Variants in TFEC observed in about 807,000 individuals in gnomAD.
The protein encoded by TFEC is class E basic helix-loop-helix protein 34.
TFEC carries 31 observed loss-of-function variants against 41.6 expected under a neutral mutation model. The observed-to-expected ratio is 0.74, with a 90% CI of 0.56 to 1.01. TFEC has a LOEUF of 1.01. Ranked by LOEUF, TFEC falls within the 50% of genes least tolerant of loss-of-function variation. The pLI is 0.00. For missense variants in TFEC, 402 were observed against 404.1 expected (o/e 0.99, Z 0.04); for synonymous variants, 143 against 140.6 (o/e 1.02, Z -0.12).
intron 3 of TFEC, among the ~76,000 whole-genome samples, chr7:116,098,620 T>C (rs1490489365): frequency 1.3e-5 from 2 of 152,136 alleles, no homozygotes; most frequent in Admixed American, 1.3e-4. Context: ...CAATTTTAGT[T>C]AGCGATTTTA....
chr7:116,097,367 T>C (rs1322304987), intron 3 of TFEC, among the ~76,000 whole-genome samples: 1 of 152,174 alleles, frequency 6.6e-6, no homozygotes, highest in Non-Finnish European at 1.5e-5. Flanking sequence ...TGATAAATTT[T>C]AATTTACAAA....
At chr7:115,980,978 T>C (rs1419322279) in intron 2 of TFEC, among the ~76,000 whole-genome samples, 1 of 152,160 alleles carries the variant, frequency 6.6e-6, no homozygotes, top group African/African-American at 2.4e-5. Flanking sequence ...AAGATTATTA[T>C]GGGAGAAAAA....
At chr7:116,136,310 A>G (rs1798431656) in intron 1 of TFEC, among the ~76,000 whole-genome samples, 1 of 152,058 alleles carries the variant, frequency 6.6e-6, no homozygotes, top group Non-Finnish European at 1.5e-5. Context: ...TTTAAAATGT[A>G]TATTAATTAA....
At chr7:116,011,449 T>A (rs1794997480) in intron 1 of TFEC, among the ~76,000 whole-genome samples, 2 of 152,158 alleles carry the variant, frequency 1.3e-5, no homozygotes, top group African/African-American at 4.8e-5. Context: ...ATTCTTTTTA[T>A]AAATTATAGT....
At chr7:116,006,662 G>T (rs1186707939) in intron 1 of TFEC, among the ~76,000 whole-genome samples, 2 of 152,158 alleles carry the variant, frequency 1.3e-5, no homozygotes, top group African/African-American at 4.8e-5. Flanking sequence ...ATGCTGAAAT[G>T]GGTTAAGACT....
intron 7 of TFEC, chr7:115,941,157 T>G: frequency 2.1e-6 from 1 of 475,958 alleles, no homozygotes; most frequent in East Asian, 3.7e-5. Flanking sequence ...GGTCTCATTG[T>G]TCTACAAAGG....
chr7:116,108,400 G>T (rs529929040), intron 3 of TFEC, among the ~76,000 whole-genome samples: 73 of 152,176 alleles, frequency 4.8e-4, no homozygotes, highest in Admixed American at 2.2e-3. Context: ...CCAAAACCAT[G>T]TACAATACTA....
chr7:116,004,584 C>T (rs1226911046), intron 1 of TFEC, among the ~76,000 whole-genome samples: 4 of 152,146 alleles, frequency 2.6e-5, no homozygotes, highest in Non-Finnish European at 5.9e-5. Flanking sequence ...GTACCTTCTG[C>T]TCAATTTTGC....
intron 1 of TFEC, among the ~76,000 whole-genome samples, chr7:115,993,785 G>T (rs1395785283): frequency 6.6e-6 from 1 of 151,928 alleles, no homozygotes; most frequent in African/African-American, 2.4e-5. Context: ...ACTGCCCAAG[G>T]TAATTTATAG....
At chr7:116,157,353 A>T (rs1798890387) in intron 1 of TFEC, 1 of 151,802 alleles carries the variant, frequency 6.6e-6, no homozygotes, top group Non-Finnish European at 1.5e-5. Context: ...ATGACAGTTA[A>T]CATGGTCCTA....
chr7:116,066,308 C>A (rs1048454202), intron 3 of TFEC, among the ~76,000 whole-genome samples: 4 of 152,056 alleles, frequency 2.6e-5, no homozygotes, highest in African/African-American at 4.8e-5. Flanking sequence ...TTGGTAGCTG[C>A]ATTTCTGATT....
At chr7:115,970,457 T>A (rs1299739113) in intron 3 of TFEC, among the ~76,000 whole-genome samples, 1 of 151,870 alleles carries the variant, frequency 6.6e-6, no homozygotes, top group Admixed American at 6.6e-5. Context: ...GGCAGTGAGT[T>A]TTTTTGTGTC....
At chr7:116,003,048 A>C (rs1447143246) in intron 1 of TFEC, among the ~76,000 whole-genome samples, 2 of 152,194 alleles carry the variant, frequency 1.3e-5, no homozygotes, top group Admixed American at 6.5e-5. Flanking sequence ...AACACATAGA[A>C]TAGATATTAA....
At chr7:116,099,843 A>T (rs1584515160) in intron 3 of TFEC, among the ~76,000 whole-genome samples, 1 of 152,250 alleles carries the variant, frequency 6.6e-6, no homozygotes, top group Non-Finnish European at 1.5e-5. Flanking sequence ...TTTAAATTGT[A>T]CTTAAATATA....
chr7:115,989,175 G>A (rs764872382), intron 1 of TFEC, among the ~76,000 whole-genome samples: 3 of 152,248 alleles, frequency 2.0e-5, no homozygotes, highest in South Asian at 2.1e-4. Flanking sequence ...GAGACAAAGA[G>A]CATCAGAAAC....
intron 3 of TFEC, among the ~76,000 whole-genome samples, chr7:116,067,702 A>AT (rs1796727415): frequency 6.6e-6 from 1 of 151,994 alleles, no homozygotes; most frequent in East Asian, 1.9e-4. Context: ...GTGGGTGGCT[A>AT]TTACTTCCAA....
intron 1 of TFEC, among the ~76,000 whole-genome samples, chr7:116,132,905 T>G (rs1798361057): frequency 6.6e-6 from 1 of 152,218 alleles, no homozygotes; most frequent in Non-Finnish European, 1.5e-5. Flanking sequence ...ATATAAAATT[T>G]CACCAATTGT....
chr7:115,955,202 C>T (rs1053698461), intron 4 of TFEC, among the ~76,000 whole-genome samples: 1 of 151,960 alleles, frequency 6.6e-6, no homozygotes, highest in Non-Finnish European at 1.5e-5. Flanking sequence ...ATTTATATGA[C>T]CATCAACCTC....
At chr7:116,110,149 G>A (rs1005658994) in intron 3 of TFEC, among the ~76,000 whole-genome samples, 61 of 152,026 alleles carry the variant, frequency 4.0e-4, no homozygotes, top group Admixed American at 8.5e-4. Context: ...TGGGTGCAGC[G>A]CACCAACATG....
Sources: allele counts gnomAD v4.1 joint callset (sites outside exome capture counted in the v4.1 genomes callset), GRCh38; gene constraint gnomAD v4.1.1; transcripts MANE v1.5; gene names NCBI Gene and HGNC (gene_info 2026-07-23, HGNC 2026-07-21).